The following PREP variants were observed in gnomAD, a reference collection of about 807,000 sequenced individuals.
PREP encodes the protein dJ355L5.1 (prolyl endopeptidase).
Under a neutral mutation model 87.6 loss-of-function variants are expected in PREP, and 29 were observed. That is an observed-to-expected ratio of 0.33 (90% CI 0.25 to 0.45). PREP has a LOEUF of 0.45. Ranked by LOEUF, PREP falls within the 20% of genes least tolerant of loss-of-function variation. The probability of loss-of-function intolerance (pLI) is 1.00; values close to 1 mark genes in which losing one functional copy is unlikely to be tolerated. For missense variants in PREP, 695 were observed against 886.5 expected (o/e 0.78, Z 2.74); for synonymous variants, 337 against 328.6 (o/e 1.03, Z -0.28).
intron 6 of PREP, among the ~76,000 whole-genome samples, chr6:105,360,913 C>G (rs1772229758): frequency 6.6e-6 from 1 of 152,082 alleles, no homozygotes; most frequent in Admixed American, 6.5e-5. Context: ...ACCACTGGGT[C>G]ATTTGAAGGC....
At chr6:105,335,818 G>A (rs968673020) in intron 7 of PREP, among the ~76,000 whole-genome samples, 1 of 151,884 alleles carries the variant, frequency 6.6e-6, no homozygotes, top group African/African-American at 2.4e-5. Context: ...GCGTGAACCC[G>A]GGAGGCAGAG....
At chr6:105,352,394 C>T (rs551900978) in intron 7 of PREP, among the ~76,000 whole-genome samples, 1 of 152,308 alleles carries the variant, frequency 6.6e-6, no homozygotes, top group Non-Finnish European at 1.5e-5. Flanking sequence ...ATATGTAAGG[C>T]TTTGGCAAGC....
At chr6:105,295,110 C>G (rs1206445596) in intron 10 of PREP, among the ~76,000 whole-genome samples, 1 of 151,860 alleles carries the variant, frequency 6.6e-6, no homozygotes, top group Non-Finnish European at 1.5e-5. Flanking sequence ...CAAAGTCTTC[C>G]ATCTTTTCCC....
intron 6 of PREP, among the ~76,000 whole-genome samples, chr6:105,364,388 T>C (rs995611859): frequency 6.6e-6 from 1 of 152,174 alleles, no homozygotes; most frequent in Non-Finnish European, 1.5e-5. Flanking sequence ...GACCTGTCCA[T>C]GCAGGAAGGC....
intron 13 of PREP, 58 bp from the exon 14 acceptor site, chr6:105,281,960 ACAAGG>A: frequency 3.2e-6 from 5 of 1,581,592 alleles, no homozygotes; most frequent in Admixed American, 3.5e-5. Context: ...ATCTACATAA[ACAAGG>A]CAAGGCAATA....
intron 11 of PREP, among the ~76,000 whole-genome samples, chr6:105,285,973 G>T (rs1225929578): frequency 6.6e-6 from 1 of 152,098 alleles, no homozygotes; most frequent in African/African-American, 2.4e-5. Context: ...ATGGGGTTTT[G>T]CCAAGTTGGT....
intron 14 of PREP, 112 bp downstream of exon 14, chr6:105,281,634 T>C (rs1770082570): frequency 1.5e-6 from 2 of 1,315,318 alleles, no homozygotes; most frequent in African/African-American, 1.5e-5. Flanking sequence ...CAGCAGATTA[T>C]ATGCAAATGC....
At chr6:105,345,242 G>C (rs1249160410) in intron 7 of PREP, among the ~76,000 whole-genome samples, 1 of 152,194 alleles carries the variant, frequency 6.6e-6, no homozygotes, top group Non-Finnish European at 1.5e-5. Context: ...AAAGAAACAT[G>C]ATTTAACTCT....
intron 11 of PREP, 93 bp downstream of exon 11, chr6:105,288,665 A>G (rs752567163): frequency 5.0e-4 from 752 of 1,500,512 alleles, no homozygotes; most frequent in South Asian, 9.8e-4. Flanking sequence ...CCAGTAATGT[A>G]TTTTAGAAAG....
intron 7 of PREP, among the ~76,000 whole-genome samples, chr6:105,336,349 C>A (rs970078064): frequency 1.3e-5 from 2 of 152,228 alleles, no homozygotes; most frequent in East Asian, 3.9e-4. Context: ...GCTAAACATG[C>A]CTATTAGGTT....
At chr6:105,291,106 A>T (rs1770288432) in intron 10 of PREP, among the ~76,000 whole-genome samples, 1 of 150,296 alleles carries the variant, frequency 6.7e-6, no homozygotes, top group Non-Finnish European at 1.5e-5. Context: ...TGCCTTAATT[A>T]AAAAATGCTT....
intron 10 of PREP, among the ~76,000 whole-genome samples, chr6:105,313,309 AAGTGG>A (rs1233252292): frequency 5.9e-5 from 9 of 152,192 alleles, no homozygotes; most frequent in African/African-American, 2.2e-4. Context: ...CAGGCAAAGC[AAGTGG>A]AGGGGAGGGG....
intron 14 of PREP, chr6:105,280,656 G>A (rs932841151): frequency 6.6e-6 from 1 of 151,452 alleles, no homozygotes; most frequent in African/African-American, 2.4e-5. Context: ...TTGGCTCACT[G>A]TCCCCCCAGG....
Position 105,278,729 on chromosome 6 carries a change from G to C in PREP, c.1839-291C>G, listed in dbSNP as rs1382621869. ...TGCTTACTGTCTCTTAAGGTGAGTA[G>C]TTTCATATTCTCTAGGCTTTTTTTT... is the stretch of plus-strand genomic sequence containing the variant. On this transcript the variant is annotated intron_variant, in intron 14 of 14. Transcript: ENST00000652536. The surrounding 1 kb of genome is among the most constrained non-coding windows in gnomAD (Gnocchi z 4.2). Among the ~76,000 whole-genome samples, 1 of 152,116 alleles carries C rather than the reference G, an allele frequency of 6.6e-6. No homozygotes were observed. The highest frequency in any genetic ancestry group is 1.5e-5 in the Non-Finnish European group (1 of 68,022).
At chr6:105,296,060 C>A (rs1379858900) in intron 10 of PREP, among the ~76,000 whole-genome samples, 1 of 152,126 alleles carries the variant, frequency 6.6e-6, no homozygotes, top group Non-Finnish European at 1.5e-5. Context: ...TAAATTTGGA[C>A]CAAATATTCT....
rs780891115 is a variant in PREP at position 105,288,901 on chromosome 6, T to C, written c.1318-7A>G. 3 of 1,609,392 alleles carry C rather than the reference T, an allele frequency of 1.9e-6. No individual in the cohort carries two copies. The highest frequency in any genetic ancestry group is 2.6e-6 in the Non-Finnish European group (3 of 1,176,258). ...CCTTGCTAGGGTAGAAAATCTAGAA[T>C]ATAAGAAAGCAGAATATAAGATTTA... On this transcript the variant is annotated splice_region_variant and splice_polypyrimidine_tract_variant and intron_variant, in intron 10 of 14. Transcript: ENST00000652536.
intron 10 of PREP, among the ~76,000 whole-genome samples, chr6:105,292,052 A>G (rs1360272607): frequency 6.6e-6 from 1 of 152,188 alleles, no homozygotes; most frequent in Non-Finnish European, 1.5e-5. Flanking sequence ...CAACATATGC[A>G]GTGACTTCCT....
intron 7 of PREP, among the ~76,000 whole-genome samples, chr6:105,337,836 G>A (rs1399364434): frequency 1.3e-5 from 2 of 152,104 alleles, no homozygotes; most frequent in Non-Finnish European, 2.9e-5. Context: ...AACAGACACC[G>A]TTACAACTAA....
chr6:105,401,620 A>AC (rs11410913), intron 1 of PREP, among the ~76,000 whole-genome samples: 44,967 of 152,050 alleles, frequency 0.3, 10,820 homozygotes, highest in African/African-American at 0.67. Context: ...AAAGGAAACA[A>AC]CCTTTAAACC....
Sources: gnomAD v4.1 joint callset for allele counts (sites outside exome capture counted in the v4.1 genomes callset) on GRCh38, gnomAD v4.1.1 for gene constraint, Gnocchi (gnomAD v3.1) non-coding constraint, MANE v1.5 for transcripts, NCBI Gene and HGNC (gene_info 2026-07-23, HGNC 2026-07-21) for gene names.